The following KDM5C variants were observed in gnomAD, a reference collection of about 807,000 sequenced individuals.
The protein encoded by KDM5C is lysine demethylase 5C, also known as lysine-specific demethylase 5C.
Under a neutral mutation model 110.6 loss-of-function variants are expected in KDM5C, and 16 were observed. The ratio of observed to expected loss-of-function variants is 0.14; its 90% CI spans 0.10 to 0.22. KDM5C has a LOEUF of 0.22. Ranked by LOEUF, KDM5C falls within the 10% of genes least tolerant of loss-of-function variation. The probability of loss-of-function intolerance (pLI) is 1.00; values close to 1 mark genes in which losing one functional copy is unlikely to be tolerated. For missense variants in KDM5C, 681 were observed against 1,300.9 expected (o/e 0.52, Z 7.33); for synonymous variants, 511 against 520.4 (o/e 0.98, Z 0.24).
rs782343537 is a variant in KDM5C, at chrX:53,198,672, GTATTGAA to G, written c.2369-42_2369-36del. On this transcript the variant is annotated intron_variant, in intron 16 of 25. Transcript: ENST00000375401. ...AAATGAGGGCAGCAAAGAGTAGGCA[GTATTGAA>G]TAGAGGCAGAGGAAGGGGGTCAGAG... The G allele has an allele frequency of 1.2e-5, 15 of 1,210,120 alleles. No individual in the cohort carries two copies. The African/African-American group carries it at 2.6e-4, about 21-fold the overall frequency.
intron 14 of KDM5C, among the ~76,000 whole-genome samples, chrX:53,199,806 C>G (rs1251992397): frequency 8.9e-6 from 1 of 111,966 alleles, no homozygotes; most frequent in Non-Finnish European, 1.9e-5. Flanking sequence ...AATCGAGAGA[C>G]AACCCAGTGT....
chrX:53,198,309 G>C (rs1195434561), intron 17 of KDM5C, among the ~76,000 whole-genome samples, 181 bp downstream of exon 17: 1 of 111,839 alleles, frequency 8.9e-6, no homozygotes, highest in Non-Finnish European at 1.9e-5. Context: ...TCCTTTTTAG[G>C]TGGCCTGGTC....
chrX:53,202,193 A>G (rs1427363366), intron 12 of KDM5C: 3 of 398,934 alleles, frequency 7.5e-6, no homozygotes, highest in Non-Finnish European at 1.3e-5. Flanking sequence ...ATTAAAAAAT[A>G]TATCTGTCAA....
chrX:53,200,078 A>G (rs2073095571), intron 14 of KDM5C, among the ~76,000 whole-genome samples: 1 of 111,892 alleles, frequency 8.9e-6, no homozygotes, highest in Non-Finnish European at 1.9e-5. Flanking sequence ...CTATGGAATC[A>G]GACAAGTATC....
rs1556848260 is a variant in KDM5C at position 53,210,589 on chromosome X, A to T, written c.1584-13T>A. The T allele has an allele frequency of 4.1e-6, 5 of 1,211,748 alleles. No individual in the cohort carries two copies. The highest frequency in any genetic ancestry group is 5.6e-6 in the Non-Finnish European group (5 of 895,288). ...CTTCGGCTCACCCCTGCACAAGTGG[A>T]AAAGGGACACACACAGTAAATCACA... On this transcript the variant is annotated splice_polypyrimidine_tract_variant and intron_variant, in intron 11 of 25. Coordinates refer to ENST00000375401, the MANE Select transcript of KDM5C (RefSeq NM_004187.5).
chrX:53,181,811 C>T (rs782556556), intron 25 of KDM5C, among the ~76,000 whole-genome samples: 163 of 105,061 alleles, frequency 1.6e-3, no homozygotes, highest in South Asian at 4.9e-3. Context: ...TTTTTTGAGA[C>T]GGAGTCTCGC....
At chrX:53,221,832 T>A in intron 1 of KDM5C, 1 of 697,636 alleles carries the variant, frequency 1.4e-6, no homozygotes, top group Non-Finnish European at 2.0e-6. Flanking sequence ...GGGAGGGAAG[T>A]CAGGGAAAGA....
In KDM5C at chrX:53,192,766, G is replaced by A. The variant is rs782326659; in HGVS notation, c.*201C>T. 6.0e-6 allele frequency: 7 copies of A among 1,162,311 alleles called. No homozygotes were observed. In the South Asian group the frequency reaches 1.1e-4, roughly 19 times the overall value. On this transcript the variant is annotated 3_prime_UTR_variant, in exon 26 of 26. Transcript: ENST00000375401. ...AGGCTACCAGGGAGGGAAGACTCCAGGGGCCGGCCCCCAGGAGCTGAGGTC... is the reference window on the plus strand; with the variant it reads ...AGGCTACCAGGGAGGGAAGACTCCAAGGGCCGGCCCCCAGGAGCTGAGGTC...
chrX:53,207,671 G>A (rs924741767), intron 12 of KDM5C, among the ~76,000 whole-genome samples: 36 of 111,790 alleles, frequency 3.2e-4, no homozygotes, highest in East Asian at 2.8e-4. Context: ...AAATAGGCCC[G>A]GGCGCGGTGG....
chrX:53,191,512 CTG>C, downstream of KDM5C: 1 of 174,733 alleles, frequency 5.7e-6, no homozygotes, highest in Non-Finnish European at 1.1e-5. Context: ...AAGTGGGTGA[CTG>C]TATGGTATGT....
chrX:53,195,583 C>T (rs1934781556), intron 20 of KDM5C, 173 bp from the exon 21 acceptor site: 2 of 519,785 alleles, frequency 3.8e-6, no homozygotes, highest in East Asian at 3.6e-5. Context: ...CCGGCATCTA[C>T]TGACTGGCTC....
intron 1 of KDM5C, among the ~76,000 whole-genome samples, chrX:53,222,028 C>T (rs782118292): frequency 9.0e-6 from 1 of 111,357 alleles, no homozygotes; most frequent in Admixed American, 9.5e-5. Flanking sequence ...CCAATGTTCT[C>T]ATTTTATAAA....
downstream of KDM5C, among the ~76,000 whole-genome samples, chrX:53,189,456 G>A (rs1292727110): frequency 8.9e-6 from 1 of 112,597 alleles, no homozygotes; most frequent in Non-Finnish European, 1.9e-5. Flanking sequence ...CACCCAGGTG[G>A]AGGTTCACAA....
chrX:53,211,764 TA>T lies in KDM5C; in HGVS notation c.1242+22del, dbSNP rs781852522. On this transcript the variant is annotated intron_variant, in intron 9 of 25. Transcript: ENST00000375401. Reference sequence around the variant, plus strand: ...AATACCTATGATCCTAGCCCAACACTACCTCAGCCCTCCATCACCTACATGC... The same window carrying T: ...AATACCTATGATCCTAGCCCAACACTCCTCAGCCCTCCATCACCTACATGC... 5.8e-6 allele frequency: 7 copies of T among 1,209,411 alleles called. No individual in the cohort carries two copies. In the African/African-American group the frequency reaches 1.2e-4, roughly 21 times the overall value.
intron 7 of KDM5C, 116 bp downstream of exon 7, chrX:53,215,679 A>G (rs2073719978): frequency 1.4e-6 from 1 of 735,130 alleles, no homozygotes. Flanking sequence ...ACCTGAGGGC[A>G]GGGCCCATGG....
intron 14 of KDM5C, among the ~76,000 whole-genome samples, chrX:53,200,520 C>T (rs1556841073): frequency 9.0e-6 from 1 of 111,297 alleles, no homozygotes; most frequent in Non-Finnish European, 1.9e-5. Flanking sequence ...CATTTAATAA[C>T]AGTACTGAAC....
At position 53,194,364 on chromosome X, in the gene KDM5C, C is replaced by T. The variant is rs2146820844; in HGVS notation, c.3813G>A (p.Arg1271=). 8.3e-7 allele frequency: 1 copy of T among 1,211,944 alleles called. No individual in the cohort carries two copies. The highest frequency in any genetic ancestry group is 1.7e-5 in the African/African-American group (1 of 58,095). ...ACTGCAGGGCCTCGCCCTCGGGCAGCCGCACAGGCAGTCTCTGCAGGGCTA... is the reference window on the plus strand; with the variant it reads ...ACTGCAGGGCCTCGCCCTCGGGCAGTCGCACAGGCAGTCTCTGCAGGGCTA... ...LLVALQRLPV[R]LPEGEALQCL... is the part of the protein sequence containing the mutation. The change falls in exon 23 of 26, where the codon CGG becomes CGA. Residue 1271 remains arginine, a synonymous_variant. Transcript: ENST00000375401.
At chrX:53,202,734 G>GTGAA (rs1192851128) in intron 12 of KDM5C, 1 of 111,497 alleles carries the variant, frequency 9.0e-6, no homozygotes, top group Non-Finnish European at 1.9e-5. Context: ...GAGAAATGGT[G>GTGAA]TGAAGAACCT....
chrX:53,222,850 T>C (rs781879129), intron 1 of KDM5C, among the ~76,000 whole-genome samples: 108 of 111,245 alleles, frequency 9.7e-4, no homozygotes, highest in East Asian at 5.7e-4. Context: ...CCATCCTTCC[T>C]CCAGCAAACC....
Sources: allele counts gnomAD v4.1 joint callset (sites outside exome capture counted in the v4.1 genomes callset), GRCh38; gene constraint gnomAD v4.1.1; transcripts MANE v1.5; gene names NCBI Gene and HGNC (gene_info 2026-07-23, HGNC 2026-07-21).